The following NRXN3 variants were observed in gnomAD, a reference collection of about 807,000 sequenced individuals.
NRXN3 encodes the protein neurexin 3, also known as neurexin III.
NRXN3 carries 32 observed loss-of-function variants against 137.6 expected under a neutral mutation model. That is an observed-to-expected ratio of 0.23 (90% CI 0.18 to 0.31). The LOEUF (loss-of-function observed/expected upper bound fraction) is 0.31, where lower values mean the gene tolerates loss of function less well. NRXN3 is among the 10% of genes least tolerant of loss of function. The pLI, the probability that NRXN3 is intolerant of heterozygous loss-of-function variation, is 1.00. For missense variants in NRXN3, 1,574 were observed against 2,062.5 expected, an observed-to-expected ratio of 0.76 and a Z score of 4.59; for synonymous variants, 798 against 784.5, an observed-to-expected ratio of 1.02 and a Z score of -0.29.
chr14:79,116,271 G>A (rs1310491191), intron 15 of NRXN3, among the ~76,000 whole-genome samples: 2 of 152,180 alleles, frequency 1.3e-5, no homozygotes, highest in Non-Finnish European at 2.9e-5. Flanking sequence ...GAAAGAAGCA[G>A]TACAGCCGGC....
chr14:78,598,271 TTGG>T (rs1208834958), intron 4 of NRXN3, among the ~76,000 whole-genome samples: 3 of 152,148 alleles, frequency 2.0e-5, no homozygotes, highest in Non-Finnish European at 2.9e-5. Flanking sequence ...CAGACTTGGC[TTGG>T]TGGTGCCGCT....
chr14:79,770,038 T>C (rs948023115), intron 19 of NRXN3, among the ~76,000 whole-genome samples: 1 of 151,880 alleles, frequency 6.6e-6, no homozygotes, highest in African/African-American at 2.4e-5. Context: ...GGCCATTACA[T>C]AATGGTAAAG....
At chr14:78,885,432 G>C (rs141777958) in intron 10 of NRXN3, among the ~76,000 whole-genome samples, 1,957 of 152,036 alleles carry the variant, frequency 0.013, 19 homozygotes, top group Middle Eastern at 0.024. Flanking sequence ...AATTAAAGGT[G>C]TTTTGAAGTG....
intron 15 of NRXN3, among the ~76,000 whole-genome samples, chr14:79,091,412 A>C (rs980329945): frequency 6.6e-6 from 1 of 152,144 alleles, no homozygotes; most frequent in African/African-American, 2.4e-5. Flanking sequence ...TTATTACCAA[A>C]ATAGAAGTTG....
intron 10 of NRXN3, among the ~76,000 whole-genome samples, chr14:78,888,451 G>A (rs984778385): frequency 6.6e-6 from 1 of 151,964 alleles, no homozygotes; most frequent in Non-Finnish European, 1.5e-5. Context: ...AGGGGGTAGT[G>A]TCCTAGAAAC....
chr14:79,550,535 G>A (rs1384033988), intron 16 of NRXN3, among the ~76,000 whole-genome samples: 2 of 152,184 alleles, frequency 1.3e-5, no homozygotes, highest in Non-Finnish European at 2.9e-5. Flanking sequence ...GAATGCAACA[G>A]TGACACTTGA....
intron 4 of NRXN3, among the ~76,000 whole-genome samples, chr14:78,359,261 C>T (rs771347820): frequency 1.9e-4 from 29 of 152,098 alleles, no homozygotes; most frequent in Non-Finnish European, 3.7e-4. Context: ...ATGTATGGTT[C>T]TCAGCCCCCC....
At chr14:79,621,461 C>T (rs544052649) in intron 16 of NRXN3, among the ~76,000 whole-genome samples, 2 of 152,318 alleles carry the variant, frequency 1.3e-5, no homozygotes, top group Admixed American at 1.3e-4. Flanking sequence ...CTTTGCCAGA[C>T]ATAAGTGATA....
intron 4 of NRXN3, among the ~76,000 whole-genome samples, chr14:78,316,733 G>A (rs1026684235): frequency 5.3e-5 from 8 of 152,122 alleles, no homozygotes; most frequent in Admixed American, 3.3e-4. Flanking sequence ...GCATTTATGG[G>A]CTCAGTTTCT....
chr14:78,909,313 C>T (rs2099229435), intron 10 of NRXN3, among the ~76,000 whole-genome samples: 1 of 152,158 alleles, frequency 6.6e-6, no homozygotes, highest in South Asian at 2.1e-4. Context: ...CAAAAGCAGA[C>T]TGGTCAAGAG....
chr14:78,891,850 A>G (rs994214002), intron 10 of NRXN3, among the ~76,000 whole-genome samples: 8 of 152,020 alleles, frequency 5.3e-5, no homozygotes, highest in Non-Finnish European at 1.2e-4. Context: ...ATATACACAA[A>G]CATACATGAA....
chr14:79,687,578 T>A (rs8020312), intron 17 of NRXN3, among the ~76,000 whole-genome samples: 3,456 of 152,234 alleles, frequency 0.023, 142 homozygotes, highest in African/African-American at 0.079. Context: ...ATAAAGAAAA[T>A]TTGTTCCTCC....
At chr14:79,538,245 T>C (rs550763988) in intron 16 of NRXN3, among the ~76,000 whole-genome samples, 38 of 152,252 alleles carry the variant, frequency 2.5e-4, no homozygotes, top group African/African-American at 7.0e-4. Flanking sequence ...TGTAGGTTGC[T>C]TGTTCACTCT....
chr14:79,484,058 T>C (rs997326120), intron 16 of NRXN3, among the ~76,000 whole-genome samples: 2 of 152,164 alleles, frequency 1.3e-5, no homozygotes, highest in Non-Finnish European at 2.9e-5. Flanking sequence ...GTTGTTCCCA[T>C]TGAGCCAGCT....
chr14:79,723,030 C>T (rs1276250547), intron 19 of NRXN3, among the ~76,000 whole-genome samples: 7 of 152,060 alleles, frequency 4.6e-5, no homozygotes, highest in East Asian at 1.9e-4. Flanking sequence ...GCATTTATGT[C>T]GATACTACCC....
chr14:78,241,619 C>T (rs543775863), intron 1 of NRXN3, among the ~76,000 whole-genome samples: 13 of 146,028 alleles, frequency 8.9e-5, no homozygotes, highest in African/African-American at 3.3e-4. Flanking sequence ...GACTCTGTCT[C>T]GAAAAAAAAA....
At chr14:79,785,544 A>T (rs564270977) in intron 19 of NRXN3, among the ~76,000 whole-genome samples, 1 of 152,202 alleles carries the variant, frequency 6.6e-6, no homozygotes, top group East Asian at 1.9e-4. Flanking sequence ...AAAGACCATC[A>T]TCCCCATGAA....
intron 15 of NRXN3, among the ~76,000 whole-genome samples, chr14:79,315,111 ACTT>A (rs1240440209): frequency 6.6e-6 from 1 of 152,124 alleles, no homozygotes; most frequent in Non-Finnish European, 1.5e-5. Flanking sequence ...CCCTCATTGT[ACTT>A]CTTTTATCCT....
At chr14:78,728,082 A>C (rs1188838511) in intron 8 of NRXN3, among the ~76,000 whole-genome samples, 1 of 152,218 alleles carries the variant, frequency 6.6e-6, no homozygotes. Flanking sequence ...CTTATCACTC[A>C]GTATTTTGAA....
Sources: allele counts gnomAD v4.1 joint callset (sites outside exome capture counted in the v4.1 genomes callset), GRCh38; gene constraint gnomAD v4.1.1; transcripts MANE v1.5; gene names NCBI Gene and HGNC (gene_info 2026-07-23, HGNC 2026-07-21).